Variants in COPS3 observed in about 807,000 individuals in gnomAD.
COPS3 encodes the protein COP9 signalosome complex subunit 3.
In COPS3, 10 loss-of-function variants were observed where a neutral mutation model predicts 58.2. That is an observed-to-expected ratio of 0.17 (90% CI 0.11 to 0.29). The LOEUF is 0.29. Ranked by LOEUF, COPS3 falls within the 10% of genes least tolerant of loss-of-function variation. COPS3 has a pLI of 1.00. For missense variants in COPS3, 333 were observed against 510.1 expected (o/e 0.65, Z 3.34); for synonymous variants, 187 against 181.7 (o/e 1.03, Z -0.24).
intron 4 of COPS3, among the ~76,000 whole-genome samples, chr17:17,268,473 G>C (rs2007658): frequency 0.71 from 108,077 of 152,048 alleles, 38,653 homozygotes; most frequent in East Asian, 0.85. Flanking sequence ...TTATAAATAA[G>C]AAGACCAAGT....
intron 9 of COPS3, 45 bp downstream of exon 9, chr17:17,254,814 G>GCAAAAAAAAAAAAA: frequency 1.2e-6 from 1 of 814,386 alleles, no homozygotes; most frequent in Non-Finnish European, 1.7e-6. Flanking sequence ...ATCTCAAAAA[G>GCAAAAAAAAAAAAA]AAAAAAAAAA....
chr17:17,263,804 G>A (rs1435420553), intron 6 of COPS3, among the ~76,000 whole-genome samples: 2 of 152,062 alleles, frequency 1.3e-5, no homozygotes, highest in Non-Finnish European at 2.9e-5. Context: ...GTGAGCCACC[G>A]CACTCGGACG....
In COPS3 at chr17:17,246,841, C is replaced by T; in HGVS notation, c.*257G>A. ...ACATTAATGTTCAAGCAACTTAAAA[C>T]AAAAAGGTAGATTTAATGCAGTAAC... On this transcript the variant is annotated 3_prime_UTR_variant, in exon 12 of 12. Coordinates refer to ENST00000268717, the MANE Select transcript of COPS3 (RefSeq NM_003653.4). The T allele has an allele frequency of 2.1e-6, 1 of 472,616 alleles. No individual in the cohort carries two copies. Among genetic ancestry groups the T allele is most frequent in the African/African-American group, 1.9e-5 (1 of 51,924 alleles). 29.3% of individuals were successfully genotyped at this position (472,616 alleles called of 1,614,324 possible).
Position 17,261,986 on chromosome 17 carries a change from T to A in COPS3, c.742A>T (p.Ile248Phe). The change falls in exon 7 of 12, where the codon ATT (isoleucine) becomes TTT (phenylalanine). Residue 248 changes from isoleucine (I) to phenylalanine (F), a missense_variant. Ile to Phe is a conservative substitution (Grantham distance 21). Transcript: ENST00000268717. The part of the protein sequence containing the change: ...VQQLPKYTSQ[I>F]VGRFIKPLSN... ...CTTACCTTAATGAATCTACCCACAA[T>A]TTGAGATGTATATTTTGGTAGCTGT... The A allele has an allele frequency of 6.3e-7, 1 of 1,591,266 alleles. No homozygotes were observed. Among genetic ancestry groups the A allele is most frequent in the Non-Finnish European group, 8.6e-7 (1 of 1,167,066 alleles).
chr17:17,281,213 G>A lies in COPS3; in HGVS notation c.-27C>T. The A allele has an allele frequency of 1.2e-6, 2 of 1,603,212 alleles. No homozygotes were observed. The highest frequency in any genetic ancestry group is 8.5e-7 in the Non-Finnish European group (1 of 1,175,216). ...TTTTCCCCCGGGCGGCCCGAGCGGC[G>A]AAGGCAGCACGCGCGGGAAAAGGCT... is the stretch of plus-strand genomic sequence containing the variant. On this transcript the variant is annotated 5_prime_UTR_variant, in exon 1 of 12. Coordinates refer to ENST00000268717, the MANE Select transcript of COPS3 (RefSeq NM_003653.4).
chr17:17,261,955 A>T lies in COPS3; in HGVS notation c.762+11T>A. The T allele has an allele frequency of 1.3e-6, 2 of 1,572,222 alleles. No individual in the cohort carries two copies. Among genetic ancestry groups the T allele is most frequent in the Non-Finnish European group, 1.7e-6 (2 of 1,157,520 alleles). On this transcript the variant is annotated intron_variant, in intron 7 of 11. Transcript: ENST00000268717. ...CTCACGTAAGAAATCAGTTTTATGTAAAAAACTTACCTTAATGAATCTACC... is the reference window on the plus strand; with the variant it reads ...CTCACGTAAGAAATCAGTTTTATGTTAAAAACTTACCTTAATGAATCTACC...
chr17:17,247,978 G>A, intron 10 of COPS3: 1 of 157,630 alleles, frequency 6.3e-6, no homozygotes, highest in Non-Finnish European at 1.4e-5. Flanking sequence ...TCCCCCTTCA[G>A]CCCCCAGAAT....
rs561842279 is a variant in COPS3, at chr17:17,275,671, T to A, written c.185+364A>T. Among the ~76,000 whole-genome samples, 14 of 152,070 alleles carry A rather than the reference T, an allele frequency of 9.2e-5. No individual in the cohort carries two copies. The East Asian group carries it at 2.7e-3, about 29-fold the overall frequency. On this transcript the variant is annotated intron_variant, in intron 2 of 11. Coordinates refer to ENST00000268717, the MANE Select transcript of COPS3 (RefSeq NM_003653.4). ...ATAAAAATAAAGCCAGGGCTGGGCG[T>A]GGTGGCTCACGCCTGTAATCCCAGC... is the stretch of plus-strand genomic sequence containing the variant.
Position 17,261,996 on chromosome 17 carries a change from A to G in COPS3, c.732T>C (p.Tyr244=), listed in dbSNP as rs376677984. ...LLGKVQQLPK[Y]TSQIVGRFIK... Reference sequence around the variant, plus strand: ...TGAATCTACCCACAATTTGAGATGTATATTTTGGTAGCTGTTGTACTTTGC... The same window carrying G: ...TGAATCTACCCACAATTTGAGATGTGTATTTTGGTAGCTGTTGTACTTTGC... Residue 244 remains tyrosine, a synonymous_variant, in exon 7 of 12, where the codon TAT becomes TAC. Coordinates refer to ENST00000268717, the MANE Select transcript of COPS3 (RefSeq NM_003653.4). 1.9e-6 allele frequency: 3 copies of G among 1,596,292 alleles called. No homozygotes were observed. Among genetic ancestry groups the G allele is most frequent in the Admixed American group, 1.8e-5 (1 of 56,406 alleles).
chr17:17,251,913 C>T (rs2047853688), intron 9 of COPS3, among the ~76,000 whole-genome samples: 2 of 151,910 alleles, frequency 1.3e-5, no homozygotes, highest in African/African-American at 2.4e-5. Context: ...ACTAAAAATA[C>T]AAAAAATTAG....
rs1373758641 is a variant in COPS3 at position 17,260,402 on chromosome 17, C to G, written c.835G>C (p.Val279Leu). 1.2e-6 allele frequency: 2 copies of G among 1,614,054 alleles called. No homozygotes were observed. Among genetic ancestry groups the G allele is most frequent in the African/African-American group, 1.3e-5 (1 of 74,930 alleles). ...GTGAAGGTTTCACTGTGCTTATTCA[C>G]CAGGTTTCGGAGTTCTGAGGGGTTG... Reference protein sequence around the residue: ...TNNPSELRNLVNKHSETFTRD... With the variant: ...TNNPSELRNLLNKHSETFTRD... The change falls in exon 8 of 12, where the codon GTG (valine) becomes CTG (leucine). Residue 279 changes from valine (V) to leucine (L), a missense_variant. By Grantham distance (32) the Val-to-Leu change is conservative (BLOSUM62 1). Transcript: ENST00000268717.
intron 2 of COPS3, among the ~76,000 whole-genome samples, chr17:17,273,005 G>T (rs1000996387): frequency 2.6e-5 from 4 of 152,136 alleles, no homozygotes; most frequent in Admixed American, 6.6e-5. Flanking sequence ...TATTTTAATT[G>T]GGGTTCCTTG....
In COPS3 at chr17:17,260,448, T is replaced by C. The variant is rs1277787485; in HGVS notation, c.789A>G (p.Leu263=). 6.2e-7 allele frequency: 1 copy of C among 1,614,174 alleles called. No homozygotes were observed. The highest frequency in any genetic ancestry group is 8.5e-7 in the Non-Finnish European group (1 of 1,180,024). The change falls in exon 8 of 12, where the codon TTA becomes TTG. Residue 263 remains leucine, a synonymous_variant. Coordinates refer to ENST00000268717, the MANE Select transcript of COPS3 (RefSeq NM_003653.4). ...IKPLSNAYHE[L]AQVYSTNNPS... Reference sequence around the variant, plus strand: ...GGTTGTTGGTTGAATACACTTGTGCTAACTCGTGGTATGCATTGCTAAGAG... The same window carrying C: ...GGTTGTTGGTTGAATACACTTGTGCCAACTCGTGGTATGCATTGCTAAGAG...
At position 17,267,900 on chromosome 17, in the gene COPS3, A is replaced by G. The variant is rs2048263305; in HGVS notation, c.426T>C (p.His142=). 6 of 1,613,948 alleles carry G rather than the reference A, an allele frequency of 3.7e-6. No homozygotes were observed. The East Asian group carries it at 1.3e-4, about 36-fold the overall frequency. The change falls in exon 5 of 12, where the codon CAT becomes CAC. Residue 142 remains histidine, a synonymous_variant. Transcript: ENST00000268717. ...QMNTNQLTSI[H]ADLCQLCLLA... ...GGTTGCTTACCTGGCAGAGATCAGC[A>G]TGTATTGAGGTCAGCTGGTTTGTAT...
intron 1 of COPS3, among the ~76,000 whole-genome samples, chr17:17,276,476 A>G (rs1163860824): frequency 6.6e-6 from 1 of 151,874 alleles, no homozygotes; most frequent in Non-Finnish European, 1.5e-5. Flanking sequence ...CATCCAAATG[A>G]TTTAGTTTTA....
Position 17,260,335 on chromosome 17 carries a change from G to T in COPS3, c.902C>A (p.Ser301Tyr). The change falls in exon 8 of 12, where the codon TCT becomes TAT. Residue 301 changes from serine to tyrosine, a missense_variant. Transcript: ENST00000268717. ...NMGLVKQCLSSLYKKNIQRLT... is the reference protein window; with the variant it reads ...NMGLVKQCLSYLYKKNIQRLT... The stretch of plus-strand genomic sequence containing the variant: ...CCTCTGAATATTCTTCTTATAAAGA[G>T]ATGACAAGCATTGCTTCACCAGCCC... 1 of 1,614,132 alleles carries T rather than the reference G, an allele frequency of 6.2e-7. No homozygotes were observed. The highest frequency in any genetic ancestry group is 8.5e-7 in the Non-Finnish European group (1 of 1,180,004).
Position 17,254,919 on chromosome 17 carries a change from A to G in COPS3, c.963T>C (p.Asp321=). ...CAGACAACTGCACACGACTTGCCAT[A>G]TCTTGTAATGATAGAGTTAAAAAGG... ...TKTFLTLSLQ[D]MASRVQLSGP... is the part of the protein sequence containing the mutation. Residue 321 remains aspartate (D), a synonymous_variant, in exon 9 of 12, where the codon GAT becomes GAC. Transcript: ENST00000268717. The G allele has an allele frequency of 6.2e-7, 1 of 1,613,474 alleles. No homozygotes were observed. The highest frequency in any genetic ancestry group is 8.5e-7 in the Non-Finnish European group (1 of 1,179,484).
chr17:17,259,656 A>G (rs1262986580), intron 8 of COPS3, among the ~76,000 whole-genome samples: 1 of 152,170 alleles, frequency 6.6e-6, no homozygotes, highest in Non-Finnish European at 1.5e-5. Context: ...GCAGTTTGGG[A>G]GGCCAAGGCA....
At chr17:17,265,841 C>T (rs1281784918) in intron 5 of COPS3, among the ~76,000 whole-genome samples, 1 of 152,166 alleles carries the variant, frequency 6.6e-6, no homozygotes, top group Non-Finnish European at 1.5e-5. Flanking sequence ...AGTGTGTCCT[C>T]TTTCTTTACT....
Sources: gnomAD v4.1 joint callset for allele counts (sites outside exome capture counted in the v4.1 genomes callset) on GRCh38, gnomAD v4.1.1 for gene constraint, MANE v1.5 for transcripts, NCBI Gene and HGNC (gene_info 2026-07-23, HGNC 2026-07-21) for gene names.